PCDHGB1: variants seen among roughly 807,000 people sequenced by gnomAD.
PCDHGB1 encodes protocadherin gamma subfamily B, 1, also known as protocadherin gamma-B1.
PCDHGB1 carries 34 observed loss-of-function variants against 56.6 expected under a neutral mutation model. The ratio of observed to expected loss-of-function variants is 0.60; its 90% CI spans 0.46 to 0.80. The LOEUF is 0.80. PCDHGB1 is among the 30% of genes least tolerant of loss of function. PCDHGB1 has a pLI of 0.00. For missense variants in PCDHGB1, 1,278 were observed against 1,204.6 expected (o/e 1.06, Z -0.90); for synonymous variants, 561 against 505.9 (o/e 1.11, Z -1.46).
intron 1 of PCDHGB1, chr5:141,374,138 C>G: frequency 6.2e-7 from 1 of 1,608,824 alleles, no homozygotes; most frequent in Non-Finnish European, 8.5e-7. Context: ...GCTCCTCACG[C>G]TCCTGGGGAC....
chr5:141,476,416 A>C lies in PCDHGB1; in HGVS notation c.2410-18391A>C, dbSNP rs2099391138. On this transcript the variant is annotated intron_variant, in intron 1 of 3. Coordinates refer to ENST00000523390, the MANE Select transcript of PCDHGB1 (RefSeq NM_018922.3). The surrounding 1 kb of genome is among the most constrained non-coding windows in gnomAD (Gnocchi z 7.6). ...TGGATCGAGAGGAGCTGTGTGGGACACTGCCCTCTTGCACTGTAACTCTGG... is the reference window on the plus strand; with the variant it reads ...TGGATCGAGAGGAGCTGTGTGGGACCCTGCCCTCTTGCACTGTAACTCTGG... 6.2e-7 allele frequency: 1 copy of C among 1,614,056 alleles called. No homozygotes were observed. The highest frequency in any genetic ancestry group is 8.5e-7 in the Non-Finnish European group (1 of 1,179,994).
At chr5:141,366,535 G>T (rs1463456881) in intron 1 of PCDHGB1, 2 of 1,614,262 alleles carry the variant, frequency 1.2e-6, no homozygotes. Context: ...TGGCGGGTGT[G>T]CCCGCCTCGC....
rs765912906 is a variant in PCDHGB1 at position 141,355,935 on chromosome 5, C to G, written c.2409+3266C>G. The stretch of plus-strand genomic sequence containing the variant: ...ATAATGCTCCCGTGTTCACTCAGCC[C>G]GAGTACCACGTAAGTGTTCGTGAGA... On this transcript the variant is annotated intron_variant, in intron 1 of 3. Coordinates refer to ENST00000523390, the MANE Select transcript of PCDHGB1 (RefSeq NM_018922.3). 4.3e-6 allele frequency: 7 copies of G among 1,613,658 alleles called. No individual in the cohort carries two copies. In the South Asian group the frequency reaches 7.7e-5, roughly 18 times the overall value.
At chr5:141,376,524 C>T (rs1772781654) in intron 1 of PCDHGB1, 1 of 1,613,718 alleles carries the variant, frequency 6.2e-7, no homozygotes, top group Admixed American at 1.7e-5. Flanking sequence ...TTCTTTCCGC[C>T]TAAGCGGGAA....
chr5:141,454,081 T>C (rs1009599234), intron 1 of PCDHGB1, among the ~76,000 whole-genome samples: 2 of 152,198 alleles, frequency 1.3e-5, no homozygotes, highest in African/African-American at 4.8e-5. Flanking sequence ...ATGTTTTCAG[T>C]GAAATTTGAA....
intron 1 of PCDHGB1, chr5:141,385,017 C>T: frequency 6.2e-7 from 1 of 1,614,188 alleles, no homozygotes; most frequent in Non-Finnish European, 8.5e-7. Context: ...TCTTCCTAGC[C>T]TTCGTCCTCG....
Position 141,351,165 on chromosome 5 carries a change from C to T in PCDHGB1, c.905C>T (p.Thr302Ile), listed in dbSNP as rs1236569815. ...ACTGGCGACATCACAACCAATGGCA[C>T]ATTGGATTTTGAAGAGACAAGTAGA... ...PNTGDITTNGTLDFEETSRYV... is the reference protein window; with the variant it reads ...PNTGDITTNGILDFEETSRYV... Residue 302 changes from threonine (T) to isoleucine (I), a missense_variant, in exon 1 of 4, where the codon ACA becomes ATA. By Grantham distance (89) the Thr-to-Ile change is moderately conservative. Coordinates refer to ENST00000523390, the MANE Select transcript of PCDHGB1 (RefSeq NM_018922.3). 3 of 1,613,988 alleles carry T rather than the reference C, an allele frequency of 1.9e-6. No individual in the cohort carries two copies. In the South Asian group the frequency reaches 3.3e-5, roughly 18 times the overall value.
chr5:141,403,248 G>A lies in PCDHGB1; in HGVS notation c.2409+50579G>A, dbSNP rs778873368. 3.1e-6 allele frequency: 5 copies of A among 1,613,928 alleles called. No homozygotes were observed. The Admixed American group carries it at 6.7e-5, about 22-fold the overall frequency. On this transcript the variant is annotated intron_variant, in intron 1 of 3. Transcript: ENST00000523390. ...GACCGGGAGGAGCTCTGTGCTCAGA[G>A]CCCGCGGTGTCTGGTGAACTTTAAA...
Position 141,431,479 on chromosome 5 carries a change from A to T in PCDHGB1, c.2410-63328A>T. 1 of 1,613,892 alleles carries T rather than the reference A, an allele frequency of 6.2e-7. No individual in the cohort carries two copies. Among genetic ancestry groups the T allele is most frequent in the South Asian group, 1.1e-5 (1 of 91,092 alleles). On this transcript the variant is annotated intron_variant, in intron 1 of 3. Transcript: ENST00000523390. This position sits in a 1 kb window ranked among gnomAD's most constrained non-coding sequence, Gnocchi z 4.8. ...TTCTGGATGCGAACGACAACGCACC[A>T]GCGTTTGCTCAGCCCGAGTACCGCG...
Position 141,485,966 on chromosome 5 carries a change from A to T in PCDHGB1, c.2410-8841A>T. ...AGCGGGCATGGTGCTCATCCAGCTC[A>T]ATGCCTCAGACCCGGACCTGGGTCC... On this transcript the variant is annotated intron_variant, in intron 1 of 3. Coordinates refer to ENST00000523390, the MANE Select transcript of PCDHGB1 (RefSeq NM_018922.3). The surrounding 1 kb of genome is among the most constrained non-coding windows in gnomAD (Gnocchi z 5.7). 1 of 1,614,168 alleles carries T rather than the reference A, an allele frequency of 6.2e-7. No individual in the cohort carries two copies. Among genetic ancestry groups the T allele is most frequent in the Non-Finnish European group, 8.5e-7 (1 of 1,179,988 alleles).
At chr5:141,370,569 G>A (rs761678477) in intron 1 of PCDHGB1, 4 of 1,613,946 alleles carry the variant, frequency 2.5e-6, no homozygotes, top group Middle Eastern at 1.6e-4. Flanking sequence ...GTTTGGCGTG[G>A]GGGATTTACC....
chr5:141,364,678 T>G (rs758125696), intron 1 of PCDHGB1: 4 of 1,613,814 alleles, frequency 2.5e-6, no homozygotes, highest in Non-Finnish European at 3.4e-6. Flanking sequence ...AAATGAAAAT[T>G]TATGGAGTAG....
intron 1 of PCDHGB1, chr5:141,398,802 C>A: frequency 6.2e-7 from 1 of 1,613,982 alleles, no homozygotes; most frequent in Non-Finnish European, 8.5e-7. Context: ...TAAGCGGCAC[C>A]ACTGAGCTCC....
At chr5:141,362,477 T>C (rs1269006896) in intron 1 of PCDHGB1, 2 of 1,613,938 alleles carry the variant, frequency 1.2e-6, no homozygotes, top group Admixed American at 1.7e-5. Context: ...CAAGATCTCG[T>C]CTGTGACAAT....
At chr5:141,408,164 A>C (rs2095051548) in intron 1 of PCDHGB1, 1 of 1,520,458 alleles carries the variant, frequency 6.6e-7, no homozygotes, top group African/African-American at 1.4e-5. Context: ...ACTTTCTCCA[A>C]CTGGAAAAGC....
intron 1 of PCDHGB1, chr5:141,385,153 A>T: frequency 6.2e-7 from 1 of 1,614,128 alleles, no homozygotes; most frequent in South Asian, 1.1e-5. Flanking sequence ...TTTCCTGCAG[A>T]CCTATTCCCA....
At chr5:141,366,868 T>C in intron 1 of PCDHGB1, 1 of 1,409,530 alleles carries the variant, frequency 7.1e-7, no homozygotes, top group Non-Finnish European at 9.5e-7. Flanking sequence ...ATTTGCTGTA[T>C]TGGAGATTAA....
chr5:141,418,294 C>G, intron 1 of PCDHGB1: 1 of 1,613,988 alleles, frequency 6.2e-7, no homozygotes. Flanking sequence ...TCAGTGAATC[C>G]GTCAGCCTGG....
chr5:141,389,464 A>G (rs1277929756), intron 1 of PCDHGB1: 1 of 1,613,306 alleles, frequency 6.2e-7, no homozygotes, highest in Admixed American at 1.7e-5. Flanking sequence ...CGCGCCTTCG[A>G]ACTCACACTG....
Sources: allele counts gnomAD v4.1 joint callset (sites outside exome capture counted in the v4.1 genomes callset), GRCh38; gene constraint gnomAD v4.1.1; non-coding constraint Gnocchi (gnomAD v3.1); transcripts MANE v1.5; gene names NCBI Gene and HGNC (gene_info 2026-07-23, HGNC 2026-07-21).